FRMD3: variants seen among roughly 807,000 people sequenced by gnomAD.
The protein encoded by FRMD3 is FERM domain containing 3.
In FRMD3, 33 loss-of-function variants were observed where a neutral mutation model predicts 70.2. The observed-to-expected ratio is 0.47, with a 90% CI of 0.36 to 0.63. The LOEUF (loss-of-function observed/expected upper bound fraction) is 0.63, where lower values mean the gene tolerates loss of function less well. Among genes scored for constraint, FRMD3 ranks in the 20% least tolerant of loss-of-function variants. The pLI is 0.00. For synonymous variants in FRMD3, 279 were observed against 255.9 expected (o/e 1.09, Z -0.86); for missense variants, 632 against 711.4 (o/e 0.89, Z 1.27).
intron 6 of FRMD3, 23 bp from the exon 7 acceptor site, chr9:83,313,770 G>T: frequency 6.3e-7 from 1 of 1,579,294 alleles, no homozygotes; most frequent in South Asian, 1.1e-5. Context: ...AAGAAAAGTT[G>T]AGGCAGTTAA....
At chr9:83,317,060 C>T (rs972523060) in intron 6 of FRMD3, among the ~76,000 whole-genome samples, 13 of 151,832 alleles carry the variant, frequency 8.6e-5, no homozygotes, top group African/African-American at 3.1e-4. Context: ...TTTAAATTAG[C>T]CAGATATTGT....
At position 83,537,473 on chromosome 9, in the gene FRMD3, A is replaced by G. The variant is rs1486317239; in HGVS notation, c.147+612T>C. Among the ~76,000 whole-genome samples, 1 of 152,166 alleles carries G rather than the reference A, an allele frequency of 6.6e-6. No individual in the cohort carries two copies. Among genetic ancestry groups the G allele is most frequent in the Non-Finnish European group, 1.5e-5 (1 of 68,024 alleles). ...TCCAGTCCGGCGCAGCGCGCGCTCCATCCCTCAAGGCTGGCGCCCAGGGCA... is the reference window on the plus strand; with the variant it reads ...TCCAGTCCGGCGCAGCGCGCGCTCCGTCCCTCAAGGCTGGCGCCCAGGGCA... On this transcript the variant is annotated intron_variant, in intron 1 of 13. Coordinates refer to ENST00000304195, the MANE Select transcript of FRMD3 (RefSeq NM_174938.6). This position sits in a 1 kb window ranked among gnomAD's most constrained non-coding sequence, Gnocchi z 4.1.
chr9:83,393,790 A>G (rs934965010), intron 1 of FRMD3, among the ~76,000 whole-genome samples: 7 of 152,156 alleles, frequency 4.6e-5, no homozygotes, highest in Non-Finnish European at 1.0e-4. Flanking sequence ...GTAAATACAG[A>G]TGAAGCTTCT....
At chr9:83,361,617 T>TA (rs1824587710) in intron 3 of FRMD3, among the ~76,000 whole-genome samples, 1 of 152,166 alleles carries the variant, frequency 6.6e-6, no homozygotes. Flanking sequence ...ACTGGAGATC[T>TA]AAAAAACCCA....
chr9:83,281,015 C>T (rs1164519806), intron 13 of FRMD3, among the ~76,000 whole-genome samples: 1 of 152,128 alleles, frequency 6.6e-6, no homozygotes, highest in Non-Finnish European at 1.5e-5. Flanking sequence ...TGCCTCAGAT[C>T]TATTATAAAG....
intron 1 of FRMD3, among the ~76,000 whole-genome samples, chr9:83,461,980 G>T (rs182447265): frequency 6.6e-6 from 1 of 151,994 alleles, no homozygotes; most frequent in African/African-American, 2.4e-5. Context: ...AGCCACCAAT[G>T]CCTGGCAGCA....
intron 1 of FRMD3, among the ~76,000 whole-genome samples, chr9:83,392,551 C>T (rs1262660817): frequency 6.6e-6 from 1 of 152,150 alleles, no homozygotes; most frequent in Non-Finnish European, 1.5e-5. Flanking sequence ...ATGCTTCCTC[C>T]TGAACCTCCT....
At chr9:83,356,362 G>A (rs1343443079) in intron 3 of FRMD3, among the ~76,000 whole-genome samples, 7 of 140,438 alleles carry the variant, frequency 5.0e-5, no homozygotes, top group East Asian at 4.7e-4. Flanking sequence ...TGCAAGCTCC[G>A]CCTCCCGGGT....
intron 5 of FRMD3, 39 bp downstream of exon 5, chr9:83,343,151 A>G (rs775646794): frequency 3.6e-6 from 5 of 1,377,012 alleles, no homozygotes; most frequent in Non-Finnish European, 5.2e-6. Context: ...AGAGCTCCAC[A>G]GTGCAAAGGT....
chr9:83,316,161 CT>C (rs34851421), intron 6 of FRMD3, among the ~76,000 whole-genome samples: 24,317 of 111,304 alleles, frequency 0.22, 988 homozygotes, highest in South Asian at 0.26. Context: ...TTTTTTTTTT[CT>C]TTTTTTTTTT....
chr9:83,467,191 T>C (rs1828150964), intron 1 of FRMD3, among the ~76,000 whole-genome samples: 1 of 152,234 alleles, frequency 6.6e-6, no homozygotes, highest in Non-Finnish European at 1.5e-5. Context: ...TTACAAATTA[T>C]GGAGAAAATG....
At chr9:83,442,503 C>A (rs1419292527) in intron 1 of FRMD3, among the ~76,000 whole-genome samples, 1 of 151,954 alleles carries the variant, frequency 6.6e-6, no homozygotes, top group Non-Finnish European at 1.5e-5. Flanking sequence ...AGTGATCCAC[C>A]CACCTCGGCC....
chr9:83,570,193 A>G, the FRMD3 span, among the ~76,000 whole-genome samples: 5 of 152,348 alleles, frequency 3.3e-5, no homozygotes, highest in East Asian at 9.6e-4. Flanking sequence ...AACAGCATGA[A>G]CAAAGCAGAT....
intron 1 of FRMD3, among the ~76,000 whole-genome samples, chr9:83,483,913 C>G (rs939778294): frequency 6.6e-6 from 1 of 152,060 alleles, no homozygotes; most frequent in African/African-American, 2.4e-5. Flanking sequence ...ATGTTCTGAG[C>G]CTGTACTCTT....
chr9:83,441,458 A>G (rs903625410), intron 1 of FRMD3, among the ~76,000 whole-genome samples: 1 of 152,090 alleles, frequency 6.6e-6, no homozygotes, highest in African/African-American at 2.4e-5. Context: ...TGAATTAAGG[A>G]TTTAAAAAGT....
In FRMD3 at chr9:83,347,395, C is replaced by G. The variant is rs143433675; in HGVS notation, c.374+2284G>C. On this transcript the variant is annotated intron_variant, in intron 4 of 13. Coordinates refer to ENST00000304195, the MANE Select transcript of FRMD3 (RefSeq NM_174938.6). Reference sequence around the variant, plus strand: ...AACAAAAACCCATGAGGGTCTGAGTCATAAATTATTGTGCTGCCATTAATA... The same window carrying G: ...AACAAAAACCCATGAGGGTCTGAGTGATAAATTATTGTGCTGCCATTAATA... 5.3e-5 allele frequency among the ~76,000 whole-genome samples: 8 copies of G among 152,268 alleles called. No individual in the cohort carries two copies. In the East Asian group the frequency reaches 1.2e-3, roughly 22 times the overall value.
intron 1 of FRMD3, among the ~76,000 whole-genome samples, chr9:83,501,243 G>C (rs1829061683): frequency 6.6e-6 from 1 of 151,960 alleles, no homozygotes; most frequent in Non-Finnish European, 1.5e-5. Flanking sequence ...GCAGTGAGCC[G>C]AGATGGTGCC....
chr9:83,507,182 G>A (rs1829201752), intron 1 of FRMD3, among the ~76,000 whole-genome samples: 1 of 151,696 alleles, frequency 6.6e-6, no homozygotes, highest in Non-Finnish European at 1.5e-5. Context: ...CCAACATGGT[G>A]AAACTGAAAT....
intron 1 of FRMD3, among the ~76,000 whole-genome samples, chr9:83,415,020 C>T (rs939229296): frequency 1.3e-5 from 2 of 152,156 alleles, no homozygotes; most frequent in African/African-American, 4.8e-5. Flanking sequence ...CCTCAATAGC[C>T]AGGTGCAATG....
Sources: allele counts gnomAD v4.1 joint callset (sites outside exome capture counted in the v4.1 genomes callset), GRCh38; gene constraint gnomAD v4.1.1; non-coding constraint Gnocchi (gnomAD v3.1); transcripts MANE v1.5; gene names NCBI Gene and HGNC (gene_info 2026-07-23, HGNC 2026-07-21).